The following ABI1 variants were observed in gnomAD, a reference collection of about 807,000 sequenced individuals.
ABI1 encodes the protein Abelson interactor 1.
A neutral mutation model predicts 54.6 loss-of-function variants in ABI1; 14 were observed. The observed-to-expected ratio is 0.26, with a 90% CI of 0.17 to 0.40. ABI1 has a LOEUF of 0.40. Ranked by LOEUF, ABI1 falls within the 10% of genes least tolerant of loss-of-function variation. ABI1 has a pLI of 1.00. For missense variants in ABI1, 443 were observed against 598.3 expected, an observed-to-expected ratio of 0.74 and a Z score of 2.71; for synonymous variants, 194 against 209.3, an observed-to-expected ratio of 0.93 and a Z score of 0.63.
chr10:26,817,161 G>A (rs773517624), intron 2 of ABI1, among the ~76,000 whole-genome samples: 3 of 151,562 alleles, frequency 2.0e-5, no homozygotes, highest in African/African-American at 4.8e-5. Context: ...TAGCACGCCC[G>A]CCTAATTTTT....
At chr10:26,835,026 C>T (rs939955968) in intron 1 of ABI1, among the ~76,000 whole-genome samples, 1 of 140,648 alleles carries the variant, frequency 7.1e-6, no homozygotes, top group African/African-American at 2.7e-5. Flanking sequence ...TCACCTGAAC[C>T]GAGAGGCAGA....
At chr10:26,841,955 G>C (rs1273551682) in intron 1 of ABI1, among the ~76,000 whole-genome samples, 2 of 152,092 alleles carry the variant, frequency 1.3e-5, no homozygotes, top group African/African-American at 4.8e-5. Flanking sequence ...GCCCGATAAG[G>C]AATTGCTGGG....
chr10:26,839,545 A>G (rs759333969), intron 1 of ABI1, among the ~76,000 whole-genome samples: 10 of 152,062 alleles, frequency 6.6e-5, no homozygotes, highest in Non-Finnish European at 1.0e-4. Flanking sequence ...GAAATTACTT[A>G]AGCAGTATAA....
At chr10:26,799,099 A>G (rs1316307697) in intron 2 of ABI1, among the ~76,000 whole-genome samples, 1 of 152,214 alleles carries the variant, frequency 6.6e-6, no homozygotes, top group African/African-American at 2.4e-5. Context: ...TCCTATTAAA[A>G]TAAGTATCAC....
chr10:26,771,089 A>C lies in ABI1; in HGVS notation c.463T>G (p.Trp155Gly), dbSNP rs1439676876. 6.2e-7 allele frequency: 1 copy of C among 1,613,668 alleles called. No individual in the cohort carries two copies. Among genetic ancestry groups the C allele is most frequent in the South Asian group, 1.1e-5 (1 of 91,066 alleles). Residue 155 changes from tryptophan to glycine, a missense_variant and splice_region_variant, in exon 4 of 11, where the codon TGG becomes GGG. Transcript: ENST00000376140. ...VLDDVGHGVK[W>G]LKAKHGNNQP... is the part of the protein sequence containing the mutation. ...ATGGCTCTTACCTTGGCTTTTAGCC[A>C]CTTTACGTTGGCAAAAAAAGGGGGG...
chr10:26,762,685 G>A (rs545453762), intron 7 of ABI1, among the ~76,000 whole-genome samples: 7 of 152,186 alleles, frequency 4.6e-5, no homozygotes, highest in Non-Finnish European at 7.4e-5. Flanking sequence ...AAATTCTACC[G>A]TATAGTTATA....
chr10:26,780,541 A>G (rs1389324516), intron 2 of ABI1, among the ~76,000 whole-genome samples: 1 of 152,242 alleles, frequency 6.6e-6, no homozygotes, highest in East Asian at 1.9e-4. Context: ...TGGACTGATC[A>G]GCACACAGCT....
intron 2 of ABI1, among the ~76,000 whole-genome samples, chr10:26,808,171 G>C (rs1379558700): frequency 6.6e-6 from 1 of 151,970 alleles, no homozygotes; most frequent in South Asian, 2.1e-4. Context: ...CTGTAGTTTC[G>C]GTCTGCTATT....
At chr10:26,821,712 T>C (rs1309882759) in intron 2 of ABI1, among the ~76,000 whole-genome samples, 2 of 151,524 alleles carry the variant, frequency 1.3e-5, no homozygotes, top group Non-Finnish European at 2.9e-5. Context: ...GGCAGGAGAA[T>C]TGCTTGGACC....
intron 2 of ABI1, among the ~76,000 whole-genome samples, chr10:26,813,990 G>C (rs997968559): frequency 6.6e-6 from 1 of 152,134 alleles, no homozygotes; most frequent in African/African-American, 2.4e-5. Flanking sequence ...TGAGAAACCA[G>C]AGCACTGACT....
rs201139353 is a variant in ABI1, at chr10:26,755,736, T to C, written c.1003A>G (p.Ile335Val). 3.9e-5 allele frequency: 62 copies of C among 1,608,642 alleles called. No individual in the cohort carries two copies. Among genetic ancestry groups the C allele is most frequent in the African/African-American group, 5.4e-5 (4 of 74,694 alleles). The change falls in exon 9 of 11, where the codon ATT becomes GTT. Residue 335 changes from isoleucine to valine, a missense_variant. Physicochemically the swap from Ile to Val is conservative, Grantham distance 29. Transcript: ENST00000376140. ...GGCATAGGGGGAGGGGGTGGAGCAA[T>C]AGAAACTGGTAGCAACAACACAGTA... is the stretch of plus-strand genomic sequence containing the variant. ...GPLYSQNSIS[I>V]APPPPPMPQL...
chr10:26,833,516 A>C (rs191145891), intron 1 of ABI1, among the ~76,000 whole-genome samples: 1 of 152,284 alleles, frequency 6.6e-6, no homozygotes, highest in Non-Finnish European at 1.5e-5. Context: ...CAGCTCTAGA[A>C]AGAACTACAT....
At chr10:26,818,144 G>A (rs1421807827) in intron 2 of ABI1, among the ~76,000 whole-genome samples, 1 of 86,742 alleles carries the variant, frequency 1.2e-5, no homozygotes, top group African/African-American at 4.5e-5. Flanking sequence ...GGGAGACAGA[G>A]CAAGACTCCA....
chr10:26,759,020 G>T (rs756666553), intron 8 of ABI1, 42 bp downstream of exon 8: 58 of 1,535,802 alleles, frequency 3.8e-5, no homozygotes, highest in South Asian at 1.7e-4. Flanking sequence ...TCCTTCAAAA[G>T]GAGCTCCACT....
chr10:26,824,389 A>G (rs569796468), intron 1 of ABI1, among the ~76,000 whole-genome samples: 92 of 152,320 alleles, frequency 6.0e-4, no homozygotes, highest in African/African-American at 2.2e-3. Flanking sequence ...TCAAAAAATC[A>G]CTGGCAAAAA....
chr10:26,783,200 CA>C (rs1212123267), intron 2 of ABI1, among the ~76,000 whole-genome samples: 6 of 152,120 alleles, frequency 3.9e-5, no homozygotes, highest in Admixed American at 2.6e-4. Flanking sequence ...ATACGCCAGT[CA>C]CAAAAAGACA....
rs113310951 is a variant in ABI1, at chr10:26,818,902, A to G, written c.285+4236T>C. Among the ~76,000 whole-genome samples the G allele has an allele frequency of 4.3e-3, 648 of 152,200 alleles. 4 individuals carry two copies. The highest frequency in any genetic ancestry group is 0.015 in the African/African-American group (607 of 41,534). On this transcript the variant is annotated intron_variant, in intron 2 of 10. Coordinates refer to ENST00000376140, the MANE Select transcript of ABI1 (RefSeq NM_001012750.3). ...CTACTCACTCGGGAGGCTGAGACAG[A>G]GAATTGCTTGCACGTGGGAGGCAGA... is the stretch of plus-strand genomic sequence containing the variant.
intron 1 of ABI1, among the ~76,000 whole-genome samples, chr10:26,856,211 T>G (rs2050792982): frequency 6.7e-6 from 1 of 150,154 alleles, no homozygotes; most frequent in Admixed American, 6.6e-5. Flanking sequence ...GCTTGGAGGT[T>G]GCAGCGAGCT....
intron 1 of ABI1, among the ~76,000 whole-genome samples, chr10:26,843,463 AAAAAAAAAAAAAAAAAAAAAAAAT>A (rs1385758044): frequency 2.5e-4 from 19 of 76,024 alleles, no homozygotes; most frequent in Non-Finnish European, 4.6e-4. Flanking sequence ...CAAAAAAAAA[AAAAAAAAAAAAAAAAAAAAAAAAT>A]ATATATATAT....
Sources: gnomAD v4.1 joint callset for allele counts (sites outside exome capture counted in the v4.1 genomes callset) on GRCh38, gnomAD v4.1.1 for gene constraint, MANE v1.5 for transcripts, NCBI Gene and HGNC (gene_info 2026-07-23, HGNC 2026-07-21) for gene names.